RRP1: variants seen among roughly 807,000 people sequenced by gnomAD.
RRP1 encodes the protein ribosomal RNA processing protein 1 homolog A.
RRP1 carries 37 observed loss-of-function variants against 54.6 expected under a neutral mutation model. The ratio of observed to expected loss-of-function variants is 0.68; its 90% CI spans 0.52 to 0.89. RRP1 has a LOEUF of 0.89. RRP1 is among the 40% of genes least tolerant of loss of function. The pLI is 0.00. For synonymous variants in RRP1, 262 were observed against 244.3 expected, an observed-to-expected ratio of 1.07 and a Z score of -0.67; for missense variants, 639 against 612.5, an observed-to-expected ratio of 1.04 and a Z score of -0.46.
chr21:43,789,891 G>A, intron 1 of RRP1, 129 bp downstream of exon 1: 1 of 1,167,996 alleles, frequency 8.6e-7, no homozygotes, highest in Non-Finnish European at 1.1e-6. Flanking sequence ...CGGGCAGGCG[G>A]GGTCCACTGG....
rs755223651 is a variant in RRP1 at position 43,797,938 on chromosome 21, A to G, written c.649A>G (p.Ile217Val). The G allele has an allele frequency of 5.0e-6, 8 of 1,614,102 alleles. No homozygotes were observed. The South Asian group carries it at 7.7e-5, about 16-fold the overall frequency. ...SLVLNNITRG[I>V]FETIVEQAPL... ...GGTTTTGAACAACATCACTCGAGGCATCTTTGAGACGATTGTGGAGCAGGC... is the reference window on the plus strand; with the variant it reads ...GGTTTTGAACAACATCACTCGAGGCGTCTTTGAGACGATTGTGGAGCAGGC... Residue 217 changes from isoleucine to valine, a missense_variant, in exon 8 of 13, where the codon ATC becomes GTC. Transcript: ENST00000497547.
chr21:43,797,318 G>T, intron 5 of RRP1, 104 bp from the exon 6 acceptor site: 4 of 1,491,896 alleles, frequency 2.7e-6, no homozygotes, highest in Non-Finnish European at 3.5e-6. Flanking sequence ...GCGCCTGCCC[G>T]CACTTAGGTT....
At position 43,801,929 on chromosome 21, in the gene RRP1, T is replaced by A. The variant is rs141708003; in HGVS notation, c.1010-345T>A. Among the ~76,000 whole-genome samples the A allele has an allele frequency of 1.9e-3, 284 of 152,018 alleles. 2 individuals carry two copies. Among genetic ancestry groups the A allele is most frequent in the African/African-American group, 6.3e-3 (259 of 41,434 alleles). ...TCGTCGCAGTGTTTTCTGTTTGGGGTTTTCAGGTGAGGGCTGTTGAACTGG... is the reference window on the plus strand; with the variant it reads ...TCGTCGCAGTGTTTTCTGTTTGGGGATTTCAGGTGAGGGCTGTTGAACTGG... On this transcript the variant is annotated intron_variant, in intron 11 of 12. Transcript: ENST00000497547.
In RRP1 at chr21:43,797,466, A is replaced by C. The variant is rs1601870611; in HGVS notation, c.467A>C (p.His156Pro). Reference sequence around the variant, plus strand: ...GAGCTGCTGATGACTGAGATCCTGCACCCCAGCAGCCAGGCCCCCAACGGT... The same window carrying C: ...GAGCTGCTGATGACTGAGATCCTGCCCCCCAGCAGCCAGGCCCCCAACGGT... Reference protein sequence around the residue: ...LLELLMTEILHPSSQAPNGVK... With the variant: ...LLELLMTEILPPSSQAPNGVK... The change falls in exon 6 of 13, where the codon CAC becomes CCC. Residue 156 changes from histidine (H) to proline (P), a missense_variant. By Grantham distance (77) the His-to-Pro change is moderately conservative. Coordinates refer to ENST00000497547, the MANE Select transcript of RRP1 (RefSeq NM_003683.6). 1 of 1,613,356 alleles carries C rather than the reference A, an allele frequency of 6.2e-7. No homozygotes were observed. The highest frequency in any genetic ancestry group is 2.2e-5 in the East Asian group (1 of 44,876).
intron 9 of RRP1, 152 bp downstream of exon 9, chr21:43,799,801 GT>G: frequency 2.8e-6 from 2 of 726,236 alleles, no homozygotes; most frequent in Non-Finnish European, 4.6e-6. Context: ...GGAGGGATGG[GT>G]GCCCCAACCC....
Position 43,803,882 on chromosome 21 carries a change from C to G in RRP1, c.*108C>G. 1 of 1,349,406 alleles carries G rather than the reference C, an allele frequency of 7.4e-7. No individual in the cohort carries two copies. The highest frequency in any genetic ancestry group is 1.5e-5 in the African/African-American group (1 of 67,996). 83.6% of individuals were successfully genotyped at this position (1,349,406 alleles called of 1,614,324 possible). ...ACTCAGGACCGTGGCTCCAGAACTC[C>G]TGTGCCAGGCGGGAGGGAAGGGCGG... On this transcript the variant is annotated 3_prime_UTR_variant, in exon 13 of 13. Coordinates refer to ENST00000497547, the MANE Select transcript of RRP1 (RefSeq NM_003683.6).
chr21:43,804,008 CA>C lies in RRP1; in HGVS notation c.*237del. The C allele has an allele frequency of 2.0e-6, 1 of 506,306 alleles. No individual in the cohort carries two copies. The highest frequency in any genetic ancestry group is 3.8e-5 in the South Asian group (1 of 26,104). 31.4% of individuals were successfully genotyped at this position (506,306 alleles called of 1,614,324 possible). On this transcript the variant is annotated 3_prime_UTR_variant, in exon 13 of 13. Coordinates refer to ENST00000497547, the MANE Select transcript of RRP1 (RefSeq NM_003683.6). The surrounding 1 kb of genome is among the most constrained non-coding windows in gnomAD (Gnocchi z 4.3). ...CTGTGATGACCTTGGGCCAGAAGGT[CA>C]AACTCCGAAGACTGAAACTCTGCCT...
intron 11 of RRP1, 120 bp from the exon 12 acceptor site, chr21:43,802,154 G>A: frequency 1.5e-6 from 1 of 683,254 alleles, no homozygotes; most frequent in Non-Finnish European, 2.6e-6. Context: ...ATTAGAACAG[G>A]GCGCTTTCTC....
intron 7 of RRP1, 101 bp from the exon 8 acceptor site, chr21:43,797,806 G>T: frequency 6.4e-7 from 1 of 1,558,638 alleles, no homozygotes; most frequent in Non-Finnish European, 8.8e-7. Flanking sequence ...CAGAGTGGCC[G>T]CTGGCCGTGT....
chr21:43,803,570 G>C lies in RRP1; in HGVS notation c.1182G>C (p.Arg394Ser), dbSNP rs1274962807. Reference sequence around the variant, plus strand: ...TGGAGAGGAAGAGGAGCAGGAGGAGGGGTGTAGGGGCCGACCCCGAGGCGC... The same window carrying C: ...TGGAGAGGAAGAGGAGCAGGAGGAGCGGTGTAGGGGCCGACCCCGAGGCGC... ...PGMERKRSRR[R>S]GVGADPEARA... The change falls in exon 13 of 13, where the codon AGG becomes AGC. Residue 394 changes from arginine (R) to serine (S), a missense_variant. Physicochemically the swap from Arg to Ser is moderately radical, Grantham distance 110. Coordinates refer to ENST00000497547, the MANE Select transcript of RRP1 (RefSeq NM_003683.6). 1 of 1,555,296 alleles carries C rather than the reference G, an allele frequency of 6.4e-7. No individual in the cohort carries two copies. Among genetic ancestry groups the C allele is most frequent in the Non-Finnish European group, 8.7e-7 (1 of 1,149,836 alleles).
At chr21:43,799,817 C>T (rs1213001757) in intron 9 of RRP1, among the ~76,000 whole-genome samples, 168 bp downstream of exon 9, 3 of 151,974 alleles carry the variant, frequency 2.0e-5, no homozygotes, top group African/African-American at 4.8e-5. Context: ...CAACCCTGCC[C>T]GCCTGTAGAC....
intron 8 of RRP1, 114 bp from the exon 9 acceptor site, chr21:43,799,456 C>G (rs2085060071): frequency 5.4e-6 from 6 of 1,113,854 alleles, no homozygotes; most frequent in Non-Finnish European, 6.6e-6. Context: ...CGGGTGTTTC[C>G]CGCCTGTGCC....
chr21:43,791,283 G>A (rs2123405715), intron 1 of RRP1, 67 bp from the exon 2 acceptor site: 2 of 1,544,776 alleles, frequency 1.3e-6, no homozygotes, highest in East Asian at 2.3e-5. Flanking sequence ...TCACGTTTCT[G>A]TGGCTTCCTT....
At chr21:43,802,129 A>T (rs1043658506) in intron 11 of RRP1, 145 bp from the exon 12 acceptor site, 3 of 618,348 alleles carry the variant, frequency 4.9e-6, no homozygotes, top group East Asian at 2.8e-5. Flanking sequence ...GGTACTGAAC[A>T]CGCTGCTCCT....
chr21:43,791,755 C>T (rs938270343), intron 2 of RRP1, among the ~76,000 whole-genome samples: 2 of 152,142 alleles, frequency 1.3e-5, no homozygotes, highest in Non-Finnish European at 2.9e-5. Context: ...CCTCCCATCT[C>T]GGCCTCCCAA....
At chr21:43,800,904 C>T (rs781154494) in intron 11 of RRP1, 23 bp downstream of exon 11, 6 of 1,613,446 alleles carry the variant, frequency 3.7e-6, no homozygotes, top group Non-Finnish European at 5.1e-6. Context: ...CGGGCACTGA[C>T]AGTGGCACCA....
chr21:43,802,386 A>G lies in RRP1; in HGVS notation c.1122A>G (p.Arg374=). ...QKRLLRLQQE[R]GKGEKEPPSP... is the part of the protein sequence containing the mutation. The stretch of plus-strand genomic sequence containing the variant: ...GTCTGCTCAGGTTGCAGCAGGAGAG[A>G]GGTAGGACTAGGGGGTGTGTTAGTC... The change falls in exon 12 of 13, where the codon AGA becomes AGG. Residue 374 remains arginine (R), a splice_region_variant and synonymous_variant. Transcript: ENST00000497547. 4 of 1,612,138 alleles carry G rather than the reference A, an allele frequency of 2.5e-6. No individual in the cohort carries two copies. Among genetic ancestry groups the G allele is most frequent in the Admixed American group, 1.7e-5 (1 of 59,994 alleles).
chr21:43,789,863 A>C, intron 1 of RRP1, 101 bp downstream of exon 1: 1 of 1,328,504 alleles, frequency 7.5e-7, no homozygotes, highest in Non-Finnish European at 9.7e-7. Context: ...GCCCTGTGGA[A>C]CCTCCACGTG....
rs1234733666 is a variant in RRP1, at chr21:43,800,983, C to A, written c.1009+102C>A. The A allele has an allele frequency of 3.2e-6, 4 of 1,263,846 alleles. No individual in the cohort carries two copies. In the African/African-American group the frequency reaches 4.4e-5, roughly 14 times the overall value. 78.3% of individuals were successfully genotyped at this position (1,263,846 alleles called of 1,614,324 possible). ...AGGGGTCTCATAGCACGTGGAGTCT[C>A]TTTGCAGAGAGGCCTGGTGGTGTTT... is the stretch of plus-strand genomic sequence containing the variant. On this transcript the variant is annotated intron_variant, in intron 11 of 12. Transcript: ENST00000497547.
Sources: allele counts gnomAD v4.1 joint callset (sites outside exome capture counted in the v4.1 genomes callset), GRCh38; gene constraint gnomAD v4.1.1; non-coding constraint Gnocchi (gnomAD v3.1); transcripts MANE v1.5; gene names NCBI Gene and HGNC (gene_info 2026-07-23, HGNC 2026-07-21).